DPYSL5: variants seen among roughly 807,000 people sequenced by gnomAD.
DPYSL5 encodes the protein dihydropyrimidinase-related protein 5.
A neutral mutation model predicts 58.4 loss-of-function variants in DPYSL5; 9 were observed. The ratio of observed to expected loss-of-function variants is 0.15; its 90% CI spans 0.09 to 0.27. The LOEUF (loss-of-function observed/expected upper bound fraction) is 0.27, where lower values mean the gene tolerates loss of function less well. DPYSL5 is among the 10% of genes least tolerant of loss of function. The pLI is 1.00. For synonymous variants in DPYSL5, 293 were observed against 301.9 expected (o/e 0.97, Z 0.31); for missense variants, 499 against 770.6 (o/e 0.65, Z 4.17).
rs2148179110 is a variant in DPYSL5 at position 26,944,860 on chromosome 2, T to C, written c.1609+36T>C. 2 of 1,605,420 alleles carry C rather than the reference T, an allele frequency of 1.2e-6. No individual in the cohort carries two copies. Among genetic ancestry groups the C allele is most frequent in the African/African-American group, 1.3e-5 (1 of 74,710 alleles). The stretch of plus-strand genomic sequence containing the variant: ...GGGGGCCACGGGAGGAGGATGGGGG[T>C]CTGGGAGAAGTGGCCCACCTAGGCA... On this transcript the variant is annotated intron_variant, in intron 12 of 12. Transcript: ENST00000288699. This position sits in a 1 kb window ranked among gnomAD's most constrained non-coding sequence, Gnocchi z 4.4.
rs186319856 is a variant in DPYSL5, at chr2:26,924,532, A to T, written c.262-355A>T. On this transcript the variant is annotated intron_variant, in intron 2 of 12. Transcript: ENST00000288699. The surrounding 1 kb of genome is among the most constrained non-coding windows in gnomAD (Gnocchi z 4.7). Reference sequence around the variant, plus strand: ...GTTATATATTACATGCAGACATTTGATCATGTTATCTATAGAGTCAATTGG... The same window carrying T: ...GTTATATATTACATGCAGACATTTGTTCATGTTATCTATAGAGTCAATTGG... Among the ~76,000 whole-genome samples the T allele has an allele frequency of 6.6e-6, 1 of 152,308 alleles. No homozygotes were observed. Among genetic ancestry groups the T allele is most frequent in the Non-Finnish European group, 1.5e-5 (1 of 68,028 alleles).
intron 1 of DPYSL5, among the ~76,000 whole-genome samples, chr2:26,858,867 C>A (rs1162898456): frequency 6.6e-6 from 1 of 152,020 alleles, no homozygotes. Flanking sequence ...CACCACCACA[C>A]CTGGCCTAAT....
chr2:26,946,872 A>T (rs1446402637), intron 12 of DPYSL5, 38 bp from the exon 13 acceptor site: 1 of 1,570,014 alleles, frequency 6.4e-7, no homozygotes, highest in Non-Finnish European at 8.8e-7. Context: ...TAGCAGGCAC[A>T]AGAGCCCGTC....
Position 26,948,966 on chromosome 2 carries a change from C to T in DPYSL5, c.*1971C>T, listed in dbSNP as rs1328795175. 2 of 152,224 alleles carry T rather than the reference C, an allele frequency of 1.3e-5. No individual in the cohort carries two copies. The highest frequency in any genetic ancestry group is 2.9e-5 in the Non-Finnish European group (2 of 68,052). The allele number at this position is 152,224 out of a possible 1,614,324, so 9.4% of individuals were successfully genotyped here. A position where few individuals can be genotyped will look rare whatever the true frequency, so the allele number is the denominator to read the frequency against. ...TCACTTAGTCCTCATGACAATGGAGCACTTATTATTCTTCCCATTTTACAG... is the reference window on the plus strand; with the variant it reads ...TCACTTAGTCCTCATGACAATGGAGTACTTATTATTCTTCCCATTTTACAG... On this transcript the variant is annotated 3_prime_UTR_variant, in exon 13 of 13. Transcript: ENST00000288699.
chr2:26,939,928 C>T, intron 8 of DPYSL5, 103 bp from the exon 9 acceptor site: 1 of 1,511,110 alleles, frequency 6.6e-7, no homozygotes, highest in Non-Finnish European at 9.0e-7. Context: ...TTGGAGTCGG[C>T]TTTGCCTGCT....
intron 8 of DPYSL5, among the ~76,000 whole-genome samples, chr2:26,935,555 GGT>G (rs1253100057): frequency 1.3e-5 from 2 of 152,008 alleles, no homozygotes; most frequent in African/African-American, 2.4e-5. Flanking sequence ...CGGGCATGGT[GGT>G]GTGTGCCTGT....
chr2:26,894,840 A>C (rs1257466894), intron 1 of DPYSL5, among the ~76,000 whole-genome samples: 1 of 152,224 alleles, frequency 6.6e-6, no homozygotes, highest in Admixed American at 6.5e-5. Flanking sequence ...GCAGAGGTCA[A>C]GATCTTCTGT....
Position 26,925,162 on chromosome 2 carries a change from TC to T in DPYSL5, c.420+121del. 7.6e-7 allele frequency: 1 copy of T among 1,307,894 alleles called. No homozygotes were observed. The highest frequency in any genetic ancestry group is 1.0e-6 in the Non-Finnish European group (1 of 961,826). The allele number at this position is 1,307,894 out of a possible 1,614,324, so 81.0% of individuals were successfully genotyped here. Reference sequence around the variant, plus strand: ...GCACCCCTCCCACTACCATCCTAGCTCCCCACAATGCCAAAAGAAAACACAC... The same window carrying T: ...GCACCCCTCCCACTACCATCCTAGCTCCCACAATGCCAAAAGAAAACACAC... On this transcript the variant is annotated intron_variant, in intron 3 of 12. Transcript: ENST00000288699. The surrounding 1 kb of genome is among the most constrained non-coding windows in gnomAD (Gnocchi z 4.5).
At chr2:26,906,920 C>T (rs1664306805) in intron 2 of DPYSL5, among the ~76,000 whole-genome samples, 2 of 152,106 alleles carry the variant, frequency 1.3e-5, no homozygotes, top group African/African-American at 4.8e-5. Context: ...GCCACTGTGC[C>T]CAGCTAAGTT....
At chr2:26,852,295 C>T (rs1389738881) in intron 1 of DPYSL5, among the ~76,000 whole-genome samples, 2 of 152,172 alleles carry the variant, frequency 1.3e-5, no homozygotes, top group Non-Finnish European at 2.9e-5. Context: ...CATTGCACTG[C>T]TGGTGCATAA....
intron 1 of DPYSL5, among the ~76,000 whole-genome samples, chr2:26,891,466 C>T (rs1214987979): frequency 3.9e-5 from 6 of 151,994 alleles, no homozygotes; most frequent in Non-Finnish European, 8.8e-5. Flanking sequence ...CGTTAGCCTC[C>T]GGAGACTTCC....
At chr2:26,936,233 G>T (rs886790625) in intron 8 of DPYSL5, among the ~76,000 whole-genome samples, 5 of 152,216 alleles carry the variant, frequency 3.3e-5, no homozygotes, top group Non-Finnish European at 7.3e-5. Flanking sequence ...AGACCTGGGG[G>T]ATGGGGATTC....
intron 1 of DPYSL5, among the ~76,000 whole-genome samples, chr2:26,876,725 A>G (rs1479527955): frequency 6.6e-6 from 1 of 152,006 alleles, no homozygotes; most frequent in Non-Finnish European, 1.5e-5. Context: ...CCTATTGGCC[A>G]GGCTGGTCTC....
intron 2 of DPYSL5, among the ~76,000 whole-genome samples, chr2:26,922,550 G>A (rs949283758): frequency 6.6e-6 from 1 of 152,162 alleles, no homozygotes; most frequent in Non-Finnish European, 1.5e-5. Context: ...GACTGGTCCT[G>A]GCTCTTTTAT....
intron 2 of DPYSL5, among the ~76,000 whole-genome samples, chr2:26,922,463 G>A (rs759160123): frequency 1.3e-5 from 2 of 152,172 alleles, no homozygotes. Context: ...TTTTTAGCTT[G>A]ATCTAACTTT....
At chr2:26,928,752 C>CGTGTGTGTGTGT (rs775375591) in intron 5 of DPYSL5, among the ~76,000 whole-genome samples, 2 of 86,734 alleles carry the variant, frequency 2.3e-5, no homozygotes, top group African/African-American at 4.2e-5. Flanking sequence ...CACACACATA[C>CGTGTGTGTGTGT]GTGTGTGCGT....
In DPYSL5 at chr2:26,942,463, TG is replaced by T; in HGVS notation, c.1233-76del. ...AATTCAACCCATAACAACCAGCCTTTGGGGCTCACCCCTCCCATGGAGCTGT... is the reference window on the plus strand; with the variant it reads ...AATTCAACCCATAACAACCAGCCTTTGGGCTCACCCCTCCCATGGAGCTGT... On this transcript the variant is annotated intron_variant, in intron 10 of 12. Coordinates refer to ENST00000288699, the MANE Select transcript of DPYSL5 (RefSeq NM_020134.4). This position sits in a 1 kb window ranked among gnomAD's most constrained non-coding sequence, Gnocchi z 5.9. The T allele has an allele frequency of 6.7e-7, 1 of 1,482,236 alleles. No individual in the cohort carries two copies. Among genetic ancestry groups the T allele is most frequent in the East Asian group, 2.4e-5 (1 of 40,974 alleles). The allele number at this position is 1,482,236 out of a possible 1,614,324, so 91.8% of individuals were successfully genotyped here.
At chr2:26,931,521 G>A (rs1177475624) in intron 5 of DPYSL5, 119 bp from the exon 6 acceptor site, 33 of 1,186,784 alleles carry the variant, frequency 2.8e-5, no homozygotes, top group Non-Finnish European at 3.9e-5. Flanking sequence ...CCTCTGCCCG[G>A]GCTTTGCCCC....
chr2:26,862,032 A>G (rs1431512607), intron 1 of DPYSL5, among the ~76,000 whole-genome samples: 3 of 152,150 alleles, frequency 2.0e-5, no homozygotes, highest in African/African-American at 7.2e-5. Flanking sequence ...CCATGTGGAA[A>G]TGAATTCTGC....
Sources: gnomAD v4.1 joint callset for allele counts (sites outside exome capture counted in the v4.1 genomes callset) on GRCh38, gnomAD v4.1.1 for gene constraint, Gnocchi (gnomAD v3.1) non-coding constraint, MANE v1.5 for transcripts, NCBI Gene and HGNC (gene_info 2026-07-23, HGNC 2026-07-21) for gene names.